Variants in LMBRD2 observed in about 807,000 individuals in gnomAD.
The protein encoded by LMBRD2 is G protein-coupled receptor-associated protein LMBRD2.
LMBRD2 carries 55 observed loss-of-function variants against 94.4 expected under a neutral mutation model. The ratio of observed to expected loss-of-function variants is 0.58; its 90% CI spans 0.47 to 0.73. The LOEUF (loss-of-function observed/expected upper bound fraction) is 0.73. LMBRD2 is among the 30% of genes least tolerant of loss of function. The probability of loss-of-function intolerance (pLI) is 0.00; values close to 1 mark genes in which losing one functional copy is unlikely to be tolerated. For missense variants in LMBRD2, 640 were observed against 831.9 expected (o/e 0.77, Z 2.84); for synonymous variants, 246 against 272.4 (o/e 0.90, Z 0.95).
Position 36,104,002 on chromosome 5 carries a change from G to A in LMBRD2, c.*44C>T. On this transcript the variant is annotated 3_prime_UTR_variant, in exon 18 of 18. Coordinates refer to ENST00000296603, the MANE Select transcript of LMBRD2 (RefSeq NM_001007527.2). Reference sequence around the variant, plus strand: ...CACAGATGTTCATCAAGACTGAACTGATGTGTTGACCTTGGTTAGTGGTCC... The same window carrying A: ...CACAGATGTTCATCAAGACTGAACTAATGTGTTGACCTTGGTTAGTGGTCC... The A allele has an allele frequency of 7.3e-7, 1 of 1,364,170 alleles. No individual in the cohort carries two copies. The highest frequency in any genetic ancestry group is 1.0e-6 in the Non-Finnish European group (1 of 956,922). 84.5% of individuals were successfully genotyped at this position (1,364,170 alleles called of 1,614,324 possible). A position where few individuals can be genotyped will look rare whatever the true frequency, so the allele number is the denominator to read the frequency against.
At chr5:36,146,941 A>T (rs4869620) in intron 1 of LMBRD2, among the ~76,000 whole-genome samples, 23,268 of 138,946 alleles carry the variant, frequency 0.17, 1,939 homozygotes, top group Non-Finnish European at 0.2. Flanking sequence ...TGTGTGTGTG[A>T]GTGTGTGTGT....
intron 6 of LMBRD2, among the ~76,000 whole-genome samples, chr5:36,127,236 C>T (rs908845008): frequency 1.3e-5 from 2 of 152,124 alleles, no homozygotes. Flanking sequence ...TTATAAGTTT[C>T]CAGATATTCA....
chr5:36,137,243 A>T (rs749251069), intron 5 of LMBRD2, 31 bp downstream of exon 5: 1 of 1,416,104 alleles, frequency 7.1e-7, no homozygotes, highest in African/African-American at 1.4e-5. Context: ...AACATACATT[A>T]AAGCAATGTT....
At chr5:36,134,948 C>A (rs1744235359) in intron 6 of LMBRD2, among the ~76,000 whole-genome samples, 1 of 152,234 alleles carries the variant, frequency 6.6e-6, no homozygotes, top group South Asian at 2.1e-4. Context: ...AAAAGAAAGA[C>A]AATGTGTGTA....
chr5:36,141,909 T>C (rs1218101937), intron 3 of LMBRD2, among the ~76,000 whole-genome samples: 1 of 152,200 alleles, frequency 6.6e-6, no homozygotes, highest in Non-Finnish European at 1.5e-5. Flanking sequence ...TTTCTGAAGT[T>C]AGATTTTTTA....
At chr5:36,146,921 CGTGTGTGTGTGTGT>C (rs745950793) in intron 1 of LMBRD2, among the ~76,000 whole-genome samples, 9,580 of 74,908 alleles carry the variant, frequency 0.13, 1,057 homozygotes, top group African/African-American at 0.32. Context: ...TCTCTCTCTG[CGTGTGTGTGTGTGT>C]GTGTGAGTGT....
chr5:36,151,877 A>G lies in LMBRD2; in HGVS notation c.-379T>C, dbSNP rs1019054857. On this transcript the variant is annotated 5_prime_UTR_variant, in exon 1 of 18. An upstream start codon of the reference 5' UTR is lost. Transcript: ENST00000296603. The surrounding 1 kb of genome is among the most constrained non-coding windows in gnomAD (Gnocchi z 4.7). ...ATCCGTCTACAGTCCAGCGGCTGACATTTCCCAGTCAGCCGTAGCGCCGCC... is the reference window on the plus strand; with the variant it reads ...ATCCGTCTACAGTCCAGCGGCTGACGTTTCCCAGTCAGCCGTAGCGCCGCC... 1 of 283,504 alleles carries G rather than the reference A, an allele frequency of 3.5e-6. No individual in the cohort carries two copies. Among genetic ancestry groups the G allele is most frequent in the Non-Finnish European group, 6.8e-6 (1 of 147,200 alleles). 17.6% of individuals were successfully genotyped at this position (283,504 alleles called of 1,614,324 possible).
intron 17 of LMBRD2, among the ~76,000 whole-genome samples, chr5:36,104,527 G>C (rs917456246): frequency 1.3e-5 from 2 of 151,976 alleles, no homozygotes; most frequent in African/African-American, 4.8e-5. Flanking sequence ...ATGGCTAAAA[G>C]TACAGACTCT....
chr5:36,099,574 C>G lies in LMBRD2; in HGVS notation c.*4472G>C, dbSNP rs954830001. ...AATAACATTTATGTCAATATCAACT[C>G]TAAATGGTGTTGTACAGTCAGTTTA... is the stretch of plus-strand genomic sequence containing the variant. On this transcript the variant is annotated 3_prime_UTR_variant, in exon 18 of 18. Coordinates refer to ENST00000296603, the MANE Select transcript of LMBRD2 (RefSeq NM_001007527.2). 3 of 152,098 alleles carry G rather than the reference C, an allele frequency of 2.0e-5. No homozygotes were observed. The highest frequency in any genetic ancestry group is 4.8e-5 in the African/African-American group (2 of 41,438). 9.4% of individuals were successfully genotyped at this position (152,098 alleles called of 1,614,324 possible). A position where few individuals can be genotyped will look rare whatever the true frequency, so the allele number is the denominator to read the frequency against.
intron 6 of LMBRD2, among the ~76,000 whole-genome samples, chr5:36,135,188 TTATCAC>T (rs1744241742): frequency 6.6e-6 from 1 of 152,176 alleles, no homozygotes; most frequent in Admixed American, 6.5e-5. Context: ...TGCCTGGCTC[TTATCAC>T]TTCCTAGCCA....
At chr5:36,119,144 T>G (rs1245344357) in intron 9 of LMBRD2, among the ~76,000 whole-genome samples, 1 of 152,266 alleles carries the variant, frequency 6.6e-6, no homozygotes, top group African/African-American at 2.4e-5. Flanking sequence ...TAATTCCTAG[T>G]GATTTCAATA....
At chr5:36,111,906 A>G (rs1437344877) in intron 13 of LMBRD2, among the ~76,000 whole-genome samples, 1 of 152,108 alleles carries the variant, frequency 6.6e-6, no homozygotes, top group East Asian at 1.9e-4. Context: ...ACTTTGCTAA[A>G]GATCCCTTAA....
At chr5:36,142,817 C>A in intron 2 of LMBRD2, 1 of 397,122 alleles carries the variant, frequency 2.5e-6, no homozygotes, top group Non-Finnish European at 4.6e-6. Context: ...CTCCGCCTCC[C>A]GGATTCACGC....
intron 16 of LMBRD2, among the ~76,000 whole-genome samples, chr5:36,106,217 T>C (rs1391592374): frequency 1.3e-5 from 2 of 152,158 alleles, no homozygotes; most frequent in African/African-American, 4.8e-5. Context: ...CTTTACAGAA[T>C]CCTATTTCCT....
chr5:36,118,178 C>A (rs866195686), intron 9 of LMBRD2, among the ~76,000 whole-genome samples: 1 of 152,054 alleles, frequency 6.6e-6, no homozygotes, highest in Non-Finnish European at 1.5e-5. Flanking sequence ...GCAGAACTTG[C>A]GTCTAATTTT....
chr5:36,101,028 G>T lies in LMBRD2; in HGVS notation c.*3018C>A, dbSNP rs931896708. The stretch of plus-strand genomic sequence containing the variant: ...AAATCAACTGGCAGAATGTTTTTTT[G>T]AATGTCTGGATTGTCAAATTTTCTG... On this transcript the variant is annotated 3_prime_UTR_variant, in exon 18 of 18. Transcript: ENST00000296603. The T allele has an allele frequency of 1.3e-5, 2 of 151,802 alleles. No homozygotes were observed. Among genetic ancestry groups the T allele is most frequent in the East Asian group, 1.9e-4 (1 of 5,184 alleles). 9.4% of individuals were successfully genotyped at this position (151,802 alleles called of 1,614,324 possible).
chr5:36,132,946 T>C (rs949895643), intron 6 of LMBRD2, among the ~76,000 whole-genome samples: 9 of 150,458 alleles, frequency 6.0e-5, no homozygotes, highest in African/African-American at 1.7e-4. Flanking sequence ...GACAATAATG[T>C]AATGTAAATT....
rs891813655 is a variant in LMBRD2, at chr5:36,100,532, A to T, written c.*3514T>A. 3.9e-5 allele frequency: 6 copies of T among 152,160 alleles called. No individual in the cohort carries two copies. Among genetic ancestry groups the T allele is most frequent in the Non-Finnish European group, 7.4e-5 (5 of 68,002 alleles). 9.4% of individuals were successfully genotyped at this position (152,160 alleles called of 1,614,324 possible). A position where few individuals can be genotyped will look rare whatever the true frequency, so the allele number is the denominator to read the frequency against. Reference sequence around the variant, plus strand: ...CATGCTATAAACATAGGCCTCAGAAAGGAAGAAAGGTATAAAGGAATGAGA... The same window carrying T: ...CATGCTATAAACATAGGCCTCAGAATGGAAGAAAGGTATAAAGGAATGAGA... On this transcript the variant is annotated 3_prime_UTR_variant, in exon 18 of 18. Transcript: ENST00000296603.
chr5:36,122,808 A>G, intron 8 of LMBRD2, 40 bp downstream of exon 8: 1 of 1,550,878 alleles, frequency 6.4e-7, no homozygotes, highest in Non-Finnish European at 8.7e-7. Context: ...GTCTAATTAA[A>G]ATCATCATTA....
Sources: gnomAD v4.1 joint callset for allele counts (sites outside exome capture counted in the v4.1 genomes callset) on GRCh38, gnomAD v4.1.1 for gene constraint, Gnocchi (gnomAD v3.1) non-coding constraint, MANE v1.5 for transcripts, NCBI Gene and HGNC (gene_info 2026-07-23, HGNC 2026-07-21) for gene names.